FAM186B: variants seen among roughly 807,000 people sequenced by gnomAD.
FAM186B encodes protein FAM186B.
A neutral mutation model predicts 83.4 loss-of-function variants in FAM186B; 68 were observed. The ratio of observed to expected loss-of-function variants is 0.81; its 90% CI spans 0.67 to 1.00. The LOEUF (loss-of-function observed/expected upper bound fraction) is 1.00, where lower values mean the gene tolerates loss of function less well. Among genes scored for constraint, FAM186B ranks in the 50% least tolerant of loss-of-function variants. The pLI, the probability that FAM186B is intolerant of heterozygous loss-of-function variation, is 0.00. For synonymous variants in FAM186B, 389 were observed against 422.0 expected (o/e 0.92, Z 0.96); for missense variants, 983 against 1,099.2 (o/e 0.89, Z 1.49).
intron 5 of FAM186B, among the ~76,000 whole-genome samples, chr12:49,592,172 T>TA (rs1452300402): frequency 6.6e-6 from 1 of 152,200 alleles, no homozygotes; most frequent in African/African-American, 2.4e-5. Context: ...TATGATAAGT[T>TA]AAAGATTTAT....
rs752694157 is a variant in FAM186B, at chr12:49,600,654, T to C, written c.986A>G (p.Glu329Gly). 1 of 1,613,894 alleles carries C rather than the reference T, an allele frequency of 6.2e-7. No homozygotes were observed. Reference sequence around the variant, plus strand: ...GTCAACAGAAACCTCAGCCAGGTCTTCTGCCTGACCTGTAGCATTCTGAGC... The same window carrying C: ...GTCAACAGAAACCTCAGCCAGGTCTCCTGCCTGACCTGTAGCATTCTGAGC... ...KKAQNATGQA[E>G]DLAEVSVDSP... The change falls in exon 4 of 7, where the codon GAA becomes GGA. Residue 329 changes from glutamate (E) to glycine (G), a missense_variant. By Grantham distance (98) the Glu-to-Gly change is moderately conservative (BLOSUM62 -2). Transcript: ENST00000257894. The surrounding 1 kb of genome is among the most constrained non-coding windows in gnomAD (Gnocchi z 4.3).
chr12:49,619,995 A>G, the FAM186B span, among the ~76,000 whole-genome samples: 1 of 152,026 alleles, frequency 6.6e-6, no homozygotes, highest in African/African-American at 2.4e-5. Flanking sequence ...TATTGAAGCT[A>G]CATATTAATG....
At chr12:49,597,450 A>G (rs1939754354) in intron 5 of FAM186B, among the ~76,000 whole-genome samples, 1 of 149,988 alleles carries the variant, frequency 6.7e-6, no homozygotes, top group African/African-American at 2.5e-5. Context: ...AACAGTGGTT[A>G]CCAGAATTGG....
In FAM186B at chr12:49,600,240, C is replaced by T. The variant is rs1045212890; in HGVS notation, c.1400G>A (p.Ser467Asn). Residue 467 changes from serine (S) to asparagine (N), a missense_variant, in exon 4 of 7, where the codon AGC becomes AAC. By Grantham distance (46) the Ser-to-Asn change is conservative (BLOSUM62 1). Coordinates refer to ENST00000257894, the MANE Select transcript of FAM186B (RefSeq NM_032130.3). The surrounding 1 kb of genome is among the most constrained non-coding windows in gnomAD (Gnocchi z 4.3). The part of the protein sequence containing the change: ...FHCSKQLSLE[S>N]SRQVTSESQE... ...GCTCTCAGAGGTCACCTGCCTGGAG[C>T]TCTCTAGAGACAGCTGCTTGCTACA... 6.2e-7 allele frequency: 1 copy of T among 1,613,538 alleles called. No individual in the cohort carries two copies. Among genetic ancestry groups the T allele is most frequent in the African/African-American group, 1.3e-5 (1 of 75,046 alleles).
Position 49,600,313 on chromosome 12 carries a change from C to CT in FAM186B, c.1326dup (p.Asp443ArgfsTer14). 2 of 1,614,142 alleles carry CT rather than the reference C, an allele frequency of 1.2e-6. No individual in the cohort carries two copies. The highest frequency in any genetic ancestry group is 1.7e-6 in the Non-Finnish European group (2 of 1,180,016). On this transcript the variant is annotated frameshift_variant, in exon 4 of 7. Transcript: ENST00000257894. LOFTEE classifies it high-confidence loss of function. This position sits in a 1 kb window ranked among gnomAD's most constrained non-coding sequence, Gnocchi z 4.3. ...CCCTTCTGGAAGTAGTCCTCCTGGT[C>CT]TTTGTCTTTGTGGCCTAAGCTTTCT...
chr12:49,622,421 C>T, the FAM186B span, among the ~76,000 whole-genome samples: 1 of 152,178 alleles, frequency 6.6e-6, no homozygotes, highest in East Asian at 1.9e-4. Context: ...GGAGAAGGAC[C>T]GGTTGAGACC....
At chr12:49,605,067 A>G in intron 1 of FAM186B, 1 of 767,562 alleles carries the variant, frequency 1.3e-6, no homozygotes, top group Non-Finnish European at 1.8e-6. Flanking sequence ...GTTGCCAAGA[A>G]CAGATTCTGG....
intron 3 of FAM186B, among the ~76,000 whole-genome samples, chr12:49,602,858 G>C (rs186080919): frequency 6.6e-6 from 1 of 152,306 alleles, no homozygotes; most frequent in Admixed American, 6.5e-5. Context: ...GTGAGAATAG[G>C]ATGGCCCGCA....
chr12:49,592,351 A>C (rs1369771221), intron 5 of FAM186B, among the ~76,000 whole-genome samples: 1 of 152,018 alleles, frequency 6.6e-6, no homozygotes, highest in African/African-American at 2.4e-5. Context: ...GTGCACCTAT[A>C]ATCTCAGCTA....
intron 1 of FAM186B, 75 bp downstream of exon 1, chr12:49,605,307 C>G (rs1939988760): frequency 1.3e-6 from 2 of 1,558,682 alleles, no homozygotes; most frequent in Non-Finnish European, 1.7e-6. Flanking sequence ...TGGAATCTCA[C>G]TCAAACCTGG....
At chr12:49,596,101 T>G (rs769581687) in intron 5 of FAM186B, among the ~76,000 whole-genome samples, 1 of 152,150 alleles carries the variant, frequency 6.6e-6, no homozygotes, top group Non-Finnish European at 1.5e-5. Context: ...AATGGTAGAT[T>G]AATGTGTTCA....
intron 3 of FAM186B, 54 bp downstream of exon 3, chr12:49,603,131 A>G: frequency 6.3e-7 from 1 of 1,597,150 alleles, no homozygotes; most frequent in Non-Finnish European, 8.6e-7. Flanking sequence ...TTCCCCTGCC[A>G]TGGCTCCACC....
the FAM186B span, among the ~76,000 whole-genome samples, chr12:49,612,152 T>C: frequency 1.6e-4 from 24 of 152,194 alleles, no homozygotes; most frequent in African/African-American, 5.3e-4. Context: ...ACCTTGAATG[T>C]AAACAGTCTA....
chr12:49,605,998 G>A (rs1462604170), upstream of FAM186B, among the ~76,000 whole-genome samples: 3 of 151,710 alleles, frequency 2.0e-5, no homozygotes, highest in African/African-American at 7.3e-5. Flanking sequence ...TCCTGACCTC[G>A]TGATCCACCC....
At chr12:49,587,452 G>C, downstream of FAM186B, 1 of 1,074,186 alleles carries the variant, frequency 9.3e-7, no homozygotes. Flanking sequence ...GCCGAGCAAA[G>C]GAACCAGGTT....
the FAM186B span, among the ~76,000 whole-genome samples, chr12:49,620,044 C>T: frequency 7.2e-5 from 11 of 152,068 alleles, no homozygotes; most frequent in Admixed American, 1.3e-4. Context: ...GCTGATAACA[C>T]GGCATTGTGA....
At chr12:49,616,310 G>A in the FAM186B span, among the ~76,000 whole-genome samples, 38 of 152,250 alleles carry the variant, frequency 2.5e-4, no homozygotes, top group Non-Finnish European at 2.8e-4. Flanking sequence ...GATTACAGGC[G>A]TGAGCCACCG....
chr12:49,615,997 T>C, the FAM186B span, among the ~76,000 whole-genome samples: 1 of 151,340 alleles, frequency 6.6e-6, no homozygotes, highest in Non-Finnish European at 1.5e-5. Flanking sequence ...ATATTGCCGG[T>C]GGGAATGTAC....
At chr12:49,582,898 A>G (rs1436049111), downstream of FAM186B, 2 of 397,438 alleles carry the variant, frequency 5.0e-6, no homozygotes, top group South Asian at 1.8e-5. Context: ...ACACACATAT[A>G]TATTTGTCTT....
Sources: gnomAD v4.1 joint callset for allele counts (sites outside exome capture counted in the v4.1 genomes callset) on GRCh38, gnomAD v4.1.1 for gene constraint, Gnocchi (gnomAD v3.1) non-coding constraint, MANE v1.5 for transcripts, NCBI Gene and HGNC (gene_info 2026-07-23, HGNC 2026-07-21) for gene names.